Variants in B3GALT1 observed in about 807,000 individuals in gnomAD.
B3GALT1 encodes beta-1,3-galactosyltransferase 1.
A neutral mutation model predicts 23.2 loss-of-function variants in B3GALT1; 10 were observed. That is an observed-to-expected ratio of 0.43 (90% CI 0.27 to 0.73). The LOEUF is 0.73. Ranked by LOEUF, B3GALT1 falls within the 30% of genes least tolerant of loss-of-function variation. The probability of loss-of-function intolerance (pLI) is 0.21; values close to 1 mark genes in which losing one functional copy is unlikely to be tolerated. For synonymous variants in B3GALT1, 156 were observed against 141.5 expected, an observed-to-expected ratio of 1.10 and a Z score of -0.73; for missense variants, 299 against 405.4, an observed-to-expected ratio of 0.74 and a Z score of 2.25.
At chr2:167,409,716 T>C (rs572878812) in intron 1 of B3GALT1, among the ~76,000 whole-genome samples, 1 of 151,824 alleles carries the variant, frequency 6.6e-6, no homozygotes, top group Non-Finnish European at 1.5e-5. Flanking sequence ...TAGCACAGAG[T>C]TGTTTGTTGA....
intron 3 of B3GALT1, among the ~76,000 whole-genome samples, 21 bp from the exon 4 acceptor site, chr2:167,818,651 C>G (rs34179645): frequency 0.086 from 13,130 of 152,106 alleles, 930 homozygotes; most frequent in African/African-American, 0.19. Context: ...AAATTTTTCT[C>G]TCTTCTTGGT....
intron 4 of B3GALT1, among the ~76,000 whole-genome samples, chr2:167,840,514 A>G (rs1251403080): frequency 1.4e-4 from 21 of 149,540 alleles, no homozygotes; most frequent in Non-Finnish European, 3.1e-4. Flanking sequence ...ATCATTAAAA[A>G]GTCAGGAAAC....
rs1265349113 is a variant in B3GALT1 at position 167,869,932 on chromosome 2, G to A, written c.893G>A (p.Arg298His). The change falls in exon 5 of 5, where the codon CGC becomes CAC. Residue 298 changes from arginine (R) to histidine (H), a missense_variant. Arg to His is a conservative substitution (Grantham distance 29). Transcript: ENST00000392690. This position sits in a 1 kb window ranked among gnomAD's most constrained non-coding sequence, Gnocchi z 6.4. ...ATGGCCTACAGTTTGTGTAGGTATC[G>A]CCGAGTTATCACTGTGCATCAGATC... Reference protein sequence around the residue: ...WKMAYSLCRYRRVITVHQISP... With the variant: ...WKMAYSLCRYHRVITVHQISP... The A allele has an allele frequency of 2.5e-6, 4 of 1,614,086 alleles. No homozygotes were observed. Among genetic ancestry groups the A allele is most frequent in the Non-Finnish European group, 3.4e-6 (4 of 1,180,002 alleles).
intron 2 of B3GALT1, among the ~76,000 whole-genome samples, chr2:167,493,837 A>G (rs1000560933): frequency 2.0e-5 from 3 of 152,162 alleles, no homozygotes; most frequent in African/African-American, 2.4e-5. Context: ...TCATTTTCCT[A>G]GACTTCAGAA....
At chr2:167,824,814 A>G (rs1230206881) in intron 4 of B3GALT1, among the ~76,000 whole-genome samples, 1 of 152,212 alleles carries the variant, frequency 6.6e-6, no homozygotes, top group Non-Finnish European at 1.5e-5. Context: ...ACCATGAAAG[A>G]AGATCAGGGT....
chr2:167,776,712 G>A (rs1460514442), intron 3 of B3GALT1, among the ~76,000 whole-genome samples: 2 of 152,166 alleles, frequency 1.3e-5, no homozygotes, highest in South Asian at 2.1e-4. Flanking sequence ...CTATGAAATG[G>A]GAACTTATAT....
chr2:167,364,163 C>CAAAA (rs34314925), intron 1 of B3GALT1, among the ~76,000 whole-genome samples: 1 of 63,146 alleles, frequency 1.6e-5, no homozygotes, highest in African/African-American at 5.5e-5. Context: ...GACTCCATCT[C>CAAAA]AAAAAAAAAA....
chr2:167,305,197 A>G (rs1696530276), intron 1 of B3GALT1, among the ~76,000 whole-genome samples: 1 of 152,192 alleles, frequency 6.6e-6, no homozygotes, highest in Non-Finnish European at 1.5e-5. Context: ...GCCTATGCAC[A>G]TACAGACACG....
intron 2 of B3GALT1, among the ~76,000 whole-genome samples, chr2:167,554,331 G>T (rs1683805783): frequency 6.6e-6 from 1 of 152,120 alleles, no homozygotes; most frequent in Non-Finnish European, 1.5e-5. Context: ...TGTTAAATTT[G>T]TACATCTCCT....
intron 2 of B3GALT1, among the ~76,000 whole-genome samples, chr2:167,608,220 A>G (rs1347370271): frequency 6.6e-6 from 1 of 152,214 alleles, no homozygotes; most frequent in Non-Finnish European, 1.5e-5. Flanking sequence ...AATCCATTAC[A>G]AAATTAAACA....
intron 3 of B3GALT1, among the ~76,000 whole-genome samples, chr2:167,686,829 G>C (rs1483353363): frequency 1.3e-5 from 2 of 152,140 alleles, no homozygotes; most frequent in Non-Finnish European, 2.9e-5. Flanking sequence ...TCTTCACGTA[G>C]AGCCACTGCT....
At chr2:167,429,237 C>T (rs546320980) in intron 1 of B3GALT1, among the ~76,000 whole-genome samples, 3 of 146,882 alleles carry the variant, frequency 2.0e-5, no homozygotes, top group South Asian at 2.1e-4. Context: ...GCCGAGATCG[C>T]GCCGCTGCAC....
At chr2:167,771,655 A>G (rs1034428974) in intron 3 of B3GALT1, among the ~76,000 whole-genome samples, 1 of 152,248 alleles carries the variant, frequency 6.6e-6, no homozygotes, top group Non-Finnish European at 1.5e-5. Context: ...GAATGAATAT[A>G]TTCCATATTT....
intron 4 of B3GALT1, among the ~76,000 whole-genome samples, chr2:167,840,023 T>A (rs1386500235): frequency 1.3e-5 from 2 of 152,078 alleles, no homozygotes; most frequent in African/African-American, 4.8e-5. Flanking sequence ...TATACAAAAA[T>A]CAATTCAAGA....
chr2:167,580,763 A>T (rs1367805274), intron 2 of B3GALT1, among the ~76,000 whole-genome samples: 1 of 152,162 alleles, frequency 6.6e-6, no homozygotes, highest in African/African-American at 2.4e-5. Flanking sequence ...TCAAATGTCT[A>T]TAGTCTTTTT....
chr2:167,757,482 T>G (rs1267483495), intron 3 of B3GALT1, among the ~76,000 whole-genome samples: 1 of 152,172 alleles, frequency 6.6e-6, no homozygotes, highest in African/African-American at 2.4e-5. Context: ...ACCATTACAC[T>G]GTAATACCCA....
intron 1 of B3GALT1, among the ~76,000 whole-genome samples, chr2:167,328,131 G>A (rs1038602587): frequency 2.0e-5 from 3 of 152,098 alleles, no homozygotes; most frequent in African/African-American, 7.2e-5. Flanking sequence ...CTAGTATTTT[G>A]TTAAGGATTT....
intron 3 of B3GALT1, among the ~76,000 whole-genome samples, chr2:167,734,570 C>G (rs558487333): frequency 6.6e-6 from 1 of 152,102 alleles, no homozygotes; most frequent in Non-Finnish European, 1.5e-5. Flanking sequence ...TCCGTTTGCT[C>G]CTGAGGACAC....
intron 3 of B3GALT1, among the ~76,000 whole-genome samples, chr2:167,752,538 C>T (rs1195290298): frequency 6.6e-6 from 1 of 151,102 alleles, no homozygotes; most frequent in Admixed American, 6.6e-5. Context: ...AAATAAACTG[C>T]AGACCTTTCC....
Sources: gnomAD v4.1 joint callset for allele counts (sites outside exome capture counted in the v4.1 genomes callset) on GRCh38, gnomAD v4.1.1 for gene constraint, Gnocchi (gnomAD v3.1) non-coding constraint, MANE v1.5 for transcripts, NCBI Gene and HGNC (gene_info 2026-07-23, HGNC 2026-07-21) for gene names.